CCDC141: variants seen among roughly 807,000 people sequenced by gnomAD.
CCDC141 encodes coiled-coil domain containing 141, also known as coiled-coil domain-containing protein 141.
A neutral mutation model predicts 181.0 loss-of-function variants in CCDC141; 168 were observed. The ratio of observed to expected loss-of-function variants is 0.93; its 90% CI spans 0.82 to 1.05. The LOEUF (loss-of-function observed/expected upper bound fraction) is 1.05, where lower values mean the gene tolerates loss of function less well. Ranked by LOEUF, CCDC141 falls within the 50% of genes least tolerant of loss-of-function variation. The pLI is 0.00. For synonymous variants in CCDC141, 666 were observed against 642.3 expected (o/e 1.04, Z -0.56); for missense variants, 1,902 against 1,788.5 (o/e 1.06, Z -1.14).
chr2:178,975,491 G>A (rs951377203), intron 3 of CCDC141, among the ~76,000 whole-genome samples: 9 of 152,078 alleles, frequency 5.9e-5, no homozygotes, highest in African/African-American at 2.2e-4. Context: ...AGTGTCCTAT[G>A]TATACAGTCA....
At chr2:179,042,980 C>T (rs941529647) in intron 2 of CCDC141, among the ~76,000 whole-genome samples, 1 of 151,928 alleles carries the variant, frequency 6.6e-6, no homozygotes, top group Non-Finnish European at 1.5e-5. Context: ...ACTAGCAAGA[C>T]TAATAAAGAA....
At chr2:178,938,803 A>G (rs1325971449) in intron 6 of CCDC141, among the ~76,000 whole-genome samples, 4 of 151,476 alleles carry the variant, frequency 2.6e-5, no homozygotes. Flanking sequence ...TATCCAAGGT[A>G]TGTCATTCAT....
the CCDC141 span, chr2:178,817,379 T>C: frequency 5.1e-6 from 2 of 389,730 alleles, no homozygotes; most frequent in Non-Finnish European, 1.0e-5. Context: ...TATAAGAATT[T>C]AGCTGAAACT....
chr2:178,856,305 C>A lies in CCDC141; in HGVS notation c.2817G>T (p.Ala939=). 2 of 1,609,480 alleles carry A rather than the reference C, an allele frequency of 1.2e-6. No individual in the cohort carries two copies. Among genetic ancestry groups the A allele is most frequent in the Non-Finnish European group, 1.7e-6 (2 of 1,178,176 alleles). The change falls in exon 18 of 24, where the codon GCG becomes GCT. Residue 939 remains alanine (A), a synonymous_variant. Transcript: ENST00000443758. ...KKNEKSRNLK[A]LKYQIQQVDM... Reference sequence around the variant, plus strand: ...CAACTTGCTGAATTTGATATTTAAGCGCCTTCAGATTCCGAGATTTTTCAT... The same window carrying A: ...CAACTTGCTGAATTTGATATTTAAGAGCCTTCAGATTCCGAGATTTTTCAT...
At chr2:179,020,895 T>C (rs910261787) in intron 2 of CCDC141, among the ~76,000 whole-genome samples, 18 of 152,186 alleles carry the variant, frequency 1.2e-4, no homozygotes, top group South Asian at 4.2e-4. Flanking sequence ...GCCATAAATG[T>C]TGATGGAATA....
At chr2:178,834,586 T>C (rs577873474) in intron 23 of CCDC141, 146 bp from the exon 24 acceptor site, 1 of 883,282 alleles carries the variant, frequency 1.1e-6, no homozygotes, top group African/African-American at 1.7e-5. Context: ...CAAATTCCAG[T>C]GGGGCTCTTT....
intron 2 of CCDC141, among the ~76,000 whole-genome samples, chr2:179,011,975 G>A (rs1484771269): frequency 6.6e-6 from 1 of 152,084 alleles, no homozygotes; most frequent in East Asian, 1.9e-4. Context: ...CAAAGGTGGT[G>A]CTAAGAGGAA....
rs902631871 is a variant in CCDC141, at chr2:178,836,894, C to T, written c.4325G>A (p.Trp1442Ter). ...TGGCTTGTCATTATAGGCTACCCAC[C>T]ATGTCAGTGTAGGCTCTGGAAATCC... Reference protein sequence around the residue: ...VTGFPEPTLTWYKKGQKLSAD... With the variant: ...VTGFPEPTLT The change falls in exon 23 of 24, where the codon TGG becomes TAG. Residue 1442 changes from tryptophan to a stop codon, truncating the protein, a stop_gained and splice_region_variant. Coordinates refer to ENST00000443758, the MANE Select transcript of CCDC141 (RefSeq NM_173648.4). LOFTEE classifies it high-confidence loss of function. 4 of 1,601,008 alleles carry T rather than the reference C, an allele frequency of 2.5e-6. No homozygotes were observed. In the African/African-American group the frequency reaches 4.1e-5, roughly 16 times the overall value.
intron 6 of CCDC141, among the ~76,000 whole-genome samples, chr2:178,925,319 T>C (rs1688868504): frequency 6.6e-6 from 1 of 152,248 alleles, no homozygotes; most frequent in African/African-American, 2.4e-5. Flanking sequence ...GGAAATCTCT[T>C]GTTTCCCTTA....
At chr2:178,993,560 G>T (rs572372255) in intron 2 of CCDC141, among the ~76,000 whole-genome samples, 1 of 152,080 alleles carries the variant, frequency 6.6e-6, no homozygotes, top group Non-Finnish European at 1.5e-5. Flanking sequence ...ATGAGATTTG[G>T]GTGGGGACAC....
At chr2:178,984,749 TCA>T (rs1323023716) in intron 2 of CCDC141, among the ~76,000 whole-genome samples, 152 of 151,350 alleles carry the variant, frequency 1.0e-3, no homozygotes, top group African/African-American at 3.6e-3. Context: ...AGGGATCAAT[TCA>T]ACAAGAAGAG....
In CCDC141 at chr2:178,856,248, T is replaced by C. The variant is rs760832349; in HGVS notation, c.2865+9A>G. 4.4e-6 allele frequency: 7 copies of C among 1,601,130 alleles called. No individual in the cohort carries two copies. The highest frequency in any genetic ancestry group is 6.0e-6 in the Non-Finnish European group (7 of 1,174,216). ...ATGCGCACATATACAAACCATACTTTCTTGTTACCTGCATTTTTTCAGCAT... is the reference window on the plus strand; with the variant it reads ...ATGCGCACATATACAAACCATACTTCCTTGTTACCTGCATTTTTTCAGCAT... On this transcript the variant is annotated intron_variant, in intron 18 of 23. Transcript: ENST00000443758.
At chr2:178,896,965 TGC>T (rs1376734137) in intron 8 of CCDC141, among the ~76,000 whole-genome samples, 1 of 150,670 alleles carries the variant, frequency 6.6e-6, no homozygotes, top group Non-Finnish European at 1.5e-5. Context: ...CTTCTCCCCC[TGC>T]CACCCCCTCC....
chr2:179,023,346 C>T (rs1204174295), intron 2 of CCDC141, among the ~76,000 whole-genome samples: 2 of 152,034 alleles, frequency 1.3e-5, no homozygotes, highest in Non-Finnish European at 2.9e-5. Context: ...AGTAACTTCC[C>T]CAGAGTTACA....
chr2:178,829,344 G>A (rs1561611553), downstream of CCDC141, among the ~76,000 whole-genome samples: 1 of 152,214 alleles, frequency 6.6e-6, no homozygotes, highest in Non-Finnish European at 1.5e-5. Context: ...TGAAACTGCT[G>A]TTGAACAGAA....
At chr2:178,868,308 G>A (rs1685944854) in intron 15 of CCDC141, 103 bp from the exon 16 acceptor site, 4 of 911,956 alleles carry the variant, frequency 4.4e-6, no homozygotes, top group Non-Finnish European at 6.7e-6. Context: ...TCGAAATGCT[G>A]CCAAGCCCAT....
chr2:179,021,825 C>A (rs748368853), intron 2 of CCDC141, among the ~76,000 whole-genome samples: 17 of 152,040 alleles, frequency 1.1e-4, no homozygotes, highest in Admixed American at 4.6e-4. Context: ...CAACTTAGTC[C>A]CTTTATAATT....
chr2:178,992,994 G>T (rs1164760386), intron 2 of CCDC141, among the ~76,000 whole-genome samples: 1 of 152,150 alleles, frequency 6.6e-6, no homozygotes, highest in Non-Finnish European at 1.5e-5. Flanking sequence ...CAGCCATGGT[G>T]AACTGTGAGT....
Position 178,981,636 on chromosome 2 carries a change from G to GTGTATATATATATATATATATATATA in CCDC141, c.226-2962_226-2961insTATATATATATATATATATATATACA, listed in dbSNP as rs1313433628. 4.2e-4 allele frequency among the ~76,000 whole-genome samples: 26 copies of GTGTATATATATATATATATATATATA among 62,368 alleles called. 1 individual carries two copies. Among genetic ancestry groups the GTGTATATATATATATATATATATATA allele is most frequent in the Middle Eastern group, 8.5e-3 (1 of 118 alleles). The allele number at this position is 62,368 out of a possible 152,430, so 40.9% of individuals were successfully genotyped here. A position where few individuals can be genotyped will look rare whatever the true frequency, so the allele number is the denominator to read the frequency against. ...TTTGTAGCATTGAATGTGTGTGTGTGTATATATATATATATATATATACAT... is the reference window on the plus strand; with the variant it reads ...TTTGTAGCATTGAATGTGTGTGTGTGTGTATATATATATATATATATATATATATATATATATATATATATATACAT... On this transcript the variant is annotated intron_variant, in intron 2 of 23. Transcript: ENST00000443758.
Sources: gnomAD v4.1 joint callset for allele counts (sites outside exome capture counted in the v4.1 genomes callset) on GRCh38, gnomAD v4.1.1 for gene constraint, MANE v1.5 for transcripts, NCBI Gene and HGNC (gene_info 2026-07-23, HGNC 2026-07-21) for gene names.